The following MAGI3 variants were observed in gnomAD, a reference collection of about 807,000 sequenced individuals.
MAGI3 encodes the protein membrane-associated guanylate kinase, WW and PDZ domain-containing protein 3.
In MAGI3, 43 loss-of-function variants were observed where a neutral mutation model predicts 121.8. That is an observed-to-expected ratio of 0.35 (90% CI 0.28 to 0.46). The LOEUF is 0.46. MAGI3 is among the 20% of genes least tolerant of loss of function. The probability of loss-of-function intolerance (pLI) is 1.00; values close to 1 mark genes in which losing one functional copy is unlikely to be tolerated. For synonymous variants in MAGI3, 553 were observed against 639.3 expected, an observed-to-expected ratio of 0.86 and a Z score of 2.04; for missense variants, 1,547 against 1,797.3, an observed-to-expected ratio of 0.86 and a Z score of 2.52.
intron 1 of MAGI3, among the ~76,000 whole-genome samples, chr1:113,432,155 G>A (rs1191995603): frequency 2.0e-5 from 3 of 152,190 alleles, no homozygotes; most frequent in African/African-American, 7.2e-5. Context: ...AAATAATGAA[G>A]TGGAATCTCT....
At chr1:113,639,231 C>T (rs1489992882) in intron 9 of MAGI3, among the ~76,000 whole-genome samples, 1 of 152,258 alleles carries the variant, frequency 6.6e-6, no homozygotes, top group Non-Finnish European at 1.5e-5. Context: ...ACACGGTGCG[C>T]TGCACCCACT....
At chr1:113,602,668 A>T (rs879532440) in intron 6 of MAGI3, among the ~76,000 whole-genome samples, 9 of 152,220 alleles carry the variant, frequency 5.9e-5, no homozygotes, top group African/African-American at 1.9e-4. Context: ...ACTGTGGCTC[A>T]TGCCTATAAG....
intron 6 of MAGI3, among the ~76,000 whole-genome samples, chr1:113,599,911 T>C (rs942665766): frequency 6.6e-6 from 1 of 151,676 alleles, no homozygotes; most frequent in Non-Finnish European, 1.5e-5. Flanking sequence ...GCAAGGCTGG[T>C]TCAATATACG....
intron 12 of MAGI3, among the ~76,000 whole-genome samples, chr1:113,647,528 T>A (rs551570497): frequency 1.3e-5 from 2 of 152,180 alleles, no homozygotes; most frequent in Non-Finnish European, 2.9e-5. Context: ...AGGCAGAAAT[T>A]CATGCATGTT....
intron 1 of MAGI3, among the ~76,000 whole-genome samples, chr1:113,401,404 TAC>T (rs1220724933): frequency 3.9e-5 from 6 of 152,154 alleles, no homozygotes; most frequent in Admixed American, 3.3e-4. Context: ...GTTTAATCTG[TAC>T]AGCTAAGCTG....
At chr1:113,541,302 G>C (rs1034805107) in intron 1 of MAGI3, among the ~76,000 whole-genome samples, 2 of 152,160 alleles carry the variant, frequency 1.3e-5, no homozygotes, top group Admixed American at 1.3e-4. Context: ...GCCATAATTC[G>C]TAATATAGAC....
At chr1:113,450,540 G>T in intron 1 of MAGI3, 1 of 1,025,344 alleles carries the variant, frequency 9.8e-7, no homozygotes, top group Non-Finnish European at 1.5e-6. Context: ...TACAATGAAG[G>T]AGGAAATTTT....
intron 1 of MAGI3, among the ~76,000 whole-genome samples, chr1:113,402,323 T>C (rs1298291257): frequency 6.6e-6 from 1 of 152,190 alleles, no homozygotes; most frequent in Non-Finnish European, 1.5e-5. Context: ...TTAATCATTA[T>C]ATGCCATGGA....
At chr1:113,657,438 C>T (rs1653538180) in intron 15 of MAGI3, among the ~76,000 whole-genome samples, 2 of 152,188 alleles carry the variant, frequency 1.3e-5, no homozygotes, top group Non-Finnish European at 2.9e-5. Context: ...TACCACCATG[C>T]ACCAATTCTT....
intron 1 of MAGI3, among the ~76,000 whole-genome samples, chr1:113,412,934 A>G (rs1333845670): frequency 6.6e-6 from 1 of 152,084 alleles, no homozygotes; most frequent in Non-Finnish European, 1.5e-5. Flanking sequence ...TTGGTGTTTT[A>G]GTCATGAAGT....
At chr1:113,530,365 G>T (rs969636191) in intron 1 of MAGI3, among the ~76,000 whole-genome samples, 1 of 150,690 alleles carries the variant, frequency 6.6e-6, no homozygotes, top group African/African-American at 2.4e-5. Context: ...ACAGAAAACC[G>T]AATGTTGTAT....
intron 1 of MAGI3, among the ~76,000 whole-genome samples, chr1:113,544,944 T>C (rs184289813): frequency 4.1e-4 from 63 of 151,846 alleles, no homozygotes; most frequent in South Asian, 2.5e-3. Context: ...TGGAGTATCA[T>C]TCACTTTAAA....
chr1:113,538,223 C>G (rs938215332), intron 1 of MAGI3, among the ~76,000 whole-genome samples: 2 of 152,198 alleles, frequency 1.3e-5, no homozygotes, highest in African/African-American at 2.4e-5. Context: ...TTTCAGCTGT[C>G]TCTTTATTAG....
At position 113,397,958 on chromosome 1, in the gene MAGI3, C is replaced by T. The variant is rs561658994; in HGVS notation, c.316+6609C>T. On this transcript the variant is annotated intron_variant, in intron 1 of 20. Coordinates refer to ENST00000307546, the MANE Select transcript of MAGI3 (RefSeq NM_001142782.2). ...AAATATATTTTCATCTTAATCCCGC[C>T]TTCCCTTTTGTTACAGCCACAGCCG... Among the ~76,000 whole-genome samples, 37 of 152,284 alleles carry T rather than the reference C, an allele frequency of 2.4e-4. 2 individuals carry two copies. The South Asian group carries it at 6.6e-3, about 27-fold the overall frequency.
At chr1:113,447,126 TA>T (rs1654214009) in intron 1 of MAGI3, among the ~76,000 whole-genome samples, 1 of 152,222 alleles carries the variant, frequency 6.6e-6, no homozygotes, top group Non-Finnish European at 1.5e-5. Context: ...ACTGTACACT[TA>T]AAAATGATTA....
intron 2 of MAGI3, among the ~76,000 whole-genome samples, chr1:113,563,956 C>T (rs1213032450): frequency 1.3e-5 from 2 of 152,206 alleles, no homozygotes; most frequent in Non-Finnish European, 2.9e-5. Flanking sequence ...GAGAGTCCCT[C>T]CCTTCCAAGT....
intron 1 of MAGI3, among the ~76,000 whole-genome samples, chr1:113,508,328 G>A (rs78428447): frequency 2.0e-5 from 3 of 152,120 alleles, no homozygotes; most frequent in Non-Finnish European, 4.4e-5. Flanking sequence ...TTAAGGGTAG[G>A]CACCTCTCTT....
intron 9 of MAGI3, among the ~76,000 whole-genome samples, chr1:113,635,364 G>T (rs1176809767): frequency 6.6e-6 from 1 of 152,160 alleles, no homozygotes; most frequent in East Asian, 1.9e-4. Context: ...CTGTGGGTTT[G>T]TCATAGATAG....
chr1:113,449,807 G>A lies in MAGI3; in HGVS notation c.316+58458G>A, dbSNP rs139510870. ...GTTTAAGAGAACATTTTGAGAAATG[G>A]GGCACACTCACAGATTGTGTGGTAA... On this transcript the variant is annotated intron_variant, in intron 1 of 20. Coordinates refer to ENST00000307546, the MANE Select transcript of MAGI3 (RefSeq NM_001142782.2). The A allele has an allele frequency of 2.3e-3, 2,608 of 1,146,072 alleles. 36 individuals are homozygous for A. In the African/African-American group the frequency reaches 0.033, roughly 14 times the overall value. 71.0% of individuals were successfully genotyped at this position (1,146,072 alleles called of 1,614,324 possible).
Sources: allele counts gnomAD v4.1 joint callset (sites outside exome capture counted in the v4.1 genomes callset), GRCh38; gene constraint gnomAD v4.1.1; transcripts MANE v1.5; gene names NCBI Gene and HGNC (gene_info 2026-07-23, HGNC 2026-07-21).